Variants in TNFSF4 observed in about 807,000 individuals in gnomAD.
TNFSF4 encodes tumor necrosis factor ligand superfamily member 4.
TNFSF4 carries 4 observed loss-of-function variants against 7.3 expected under a neutral mutation model. The ratio of observed to expected loss-of-function variants is 0.55; its 90% CI spans 0.27 to 1.25. The LOEUF (loss-of-function observed/expected upper bound fraction) is 1.25. TNFSF4 is among the 50% of genes most tolerant of loss of function. The pLI is 0.12. For synonymous variants in TNFSF4, 76 were observed against 83.7 expected (o/e 0.91, Z 0.50); for missense variants, 181 against 208.8 (o/e 0.87, Z 0.82).
the TNFSF4 span, among the ~76,000 whole-genome samples, chr1:173,259,290 A>G: frequency 6.6e-6 from 1 of 150,762 alleles, no homozygotes; most frequent in African/African-American, 2.4e-5. Flanking sequence ...AACAAACAGA[A>G]AGCAACAACA....
At chr1:173,229,618 A>G in the TNFSF4 span, among the ~76,000 whole-genome samples, 1 of 152,232 alleles carries the variant, frequency 6.6e-6, no homozygotes, top group Non-Finnish European at 1.5e-5. Context: ...AAATGCTCCA[A>G]TTAAAAGACA....
At chr1:173,419,716 A>T in the TNFSF4 span, among the ~76,000 whole-genome samples, 1 of 152,144 alleles carries the variant, frequency 6.6e-6, no homozygotes, top group Non-Finnish European at 1.5e-5. Context: ...AGGGAGAATA[A>T]AAGGAAGCAG....
the TNFSF4 span, among the ~76,000 whole-genome samples, chr1:173,394,253 A>G: frequency 6.6e-6 from 1 of 150,902 alleles, no homozygotes; most frequent in East Asian, 1.9e-4. Context: ...CATCACTCCT[A>G]AAAATATGTT....
chr1:173,224,707 C>G, the TNFSF4 span, among the ~76,000 whole-genome samples: 3 of 152,224 alleles, frequency 2.0e-5, no homozygotes, highest in Non-Finnish European at 4.4e-5. Context: ...TGTCTGGCTA[C>G]ACAGCCAGTG....
the TNFSF4 span, among the ~76,000 whole-genome samples, chr1:173,227,771 G>C: frequency 6.6e-6 from 1 of 152,198 alleles, no homozygotes; most frequent in African/African-American, 2.4e-5. Context: ...CTTAGCAAAC[G>C]GCACACCAGG....
chr1:173,436,961 G>T, the TNFSF4 span, among the ~76,000 whole-genome samples: 2 of 152,234 alleles, frequency 1.3e-5, no homozygotes, highest in African/African-American at 4.8e-5. Context: ...TGCCCAGCGT[G>T]TTATGAGTAT....
At chr1:173,314,109 C>A in the TNFSF4 span, among the ~76,000 whole-genome samples, 1 of 152,032 alleles carries the variant, frequency 6.6e-6, no homozygotes, top group Non-Finnish European at 1.5e-5. Flanking sequence ...AATAAATACA[C>A]TTAAACCCAC....
the TNFSF4 span, among the ~76,000 whole-genome samples, chr1:173,301,798 C>T: frequency 1.3e-5 from 2 of 151,734 alleles, no homozygotes; most frequent in African/African-American, 4.8e-5. Flanking sequence ...TTATTTTCTG[C>T]TACCACCCAT....
At chr1:173,329,986 G>T in the TNFSF4 span, among the ~76,000 whole-genome samples, 1 of 151,958 alleles carries the variant, frequency 6.6e-6, no homozygotes, top group African/African-American at 2.4e-5. Context: ...CCCTTTCTTC[G>T]GTCATATTTG....
chr1:173,409,147 A>G, the TNFSF4 span, among the ~76,000 whole-genome samples: 1 of 152,210 alleles, frequency 6.6e-6, no homozygotes, highest in Non-Finnish European at 1.5e-5. Flanking sequence ...CTGAGGAAAT[A>G]TGAGACAAAC....
At chr1:173,340,955 A>C in the TNFSF4 span, among the ~76,000 whole-genome samples, 1 of 152,206 alleles carries the variant, frequency 6.6e-6, no homozygotes, top group Non-Finnish European at 1.5e-5. Context: ...AGGTAATTAA[A>C]TCATGAGAGG....
chr1:173,285,187 C>A, the TNFSF4 span, among the ~76,000 whole-genome samples: 1 of 151,810 alleles, frequency 6.6e-6, no homozygotes, highest in African/African-American at 2.4e-5. Context: ...AAGACTTCAC[C>A]GGAGGAAGTA....
intron 1 of TNFSF4, among the ~76,000 whole-genome samples, chr1:173,189,180 G>A (rs1202283415): frequency 6.6e-6 from 1 of 152,106 alleles, no homozygotes; most frequent in Admixed American, 6.6e-5. Context: ...ATACTGTTTT[G>A]TCTCACTGTG....
chr1:173,182,841 T>C (rs969582090), downstream of TNFSF4, among the ~76,000 whole-genome samples: 7 of 152,070 alleles, frequency 4.6e-5, no homozygotes, highest in South Asian at 1.4e-3. Flanking sequence ...AGCAGTGAGT[T>C]TGTGTAAGTG....
chr1:173,215,629 A>T, the TNFSF4 span, among the ~76,000 whole-genome samples: 1 of 152,222 alleles, frequency 6.6e-6, no homozygotes, highest in African/African-American at 2.4e-5. Flanking sequence ...ACAAACAAAA[A>T]ACCTGTAAGC....
At chr1:173,412,926 G>A in the TNFSF4 span, among the ~76,000 whole-genome samples, 1 of 152,158 alleles carries the variant, frequency 6.6e-6, no homozygotes. Flanking sequence ...AATAAAAAAG[G>A]GGGTGGGAAT....
the TNFSF4 span, among the ~76,000 whole-genome samples, chr1:173,292,144 G>A: frequency 7.9e-5 from 12 of 152,036 alleles, no homozygotes; most frequent in African/African-American, 2.4e-5. Flanking sequence ...TATGAAACCA[G>A]CATCAGCCTG....
At chr1:173,264,839 GAC>G in the TNFSF4 span, among the ~76,000 whole-genome samples, 2 of 152,144 alleles carry the variant, frequency 1.3e-5, no homozygotes, top group South Asian at 2.1e-4. Flanking sequence ...GTTCTTAAGT[GAC>G]TCTCCCTCAG....
chr1:173,320,684 A>G, the TNFSF4 span, among the ~76,000 whole-genome samples: 1 of 152,202 alleles, frequency 6.6e-6, no homozygotes, highest in Admixed American at 6.5e-5. Context: ...TACACCAATA[A>G]TAGACAAACA....
Sources: gnomAD v4.1 joint callset for allele counts (sites outside exome capture counted in the v4.1 genomes callset) on GRCh38, gnomAD v4.1.1 for gene constraint, MANE v1.5 for transcripts, NCBI Gene and HGNC (gene_info 2026-07-23, HGNC 2026-07-21) for gene names.